ASIC2: variants seen among roughly 807,000 people sequenced by gnomAD.
ASIC2 encodes acid-sensing ion channel 2.
ASIC2 carries 25 observed loss-of-function variants against 57.3 expected under a neutral mutation model. The ratio of observed to expected loss-of-function variants is 0.44; its 90% CI spans 0.32 to 0.61. The LOEUF is 0.61. Among genes scored for constraint, ASIC2 ranks in the 20% least tolerant of loss-of-function variants. The pLI is 0.06. For synonymous variants in ASIC2, 319 were observed against 307.5 expected (o/e 1.04, Z -0.39); for missense variants, 641 against 738.1 (o/e 0.87, Z 1.52).
At chr17:33,867,294 A>G (rs759657873) in intron 1 of ASIC2, among the ~76,000 whole-genome samples, 2 of 152,184 alleles carry the variant, frequency 1.3e-5, no homozygotes, top group East Asian at 3.8e-4. Flanking sequence ...ATTATCAACA[A>G]CTCCTCTTTC....
chr17:33,834,722 T>G (rs1485018918), intron 1 of ASIC2, among the ~76,000 whole-genome samples: 2 of 152,208 alleles, frequency 1.3e-5, no homozygotes, highest in Non-Finnish European at 2.9e-5. Context: ...AATAACACAA[T>G]TTTTAGTCTT....
At chr17:33,626,878 T>TGA (rs1365830594) in intron 1 of ASIC2, 5 of 152,254 alleles carry the variant, frequency 3.3e-5, no homozygotes, top group Admixed American at 2.0e-4. Context: ...AACACAATTC[T>TGA]GACCATGTGA....
intron 1 of ASIC2, among the ~76,000 whole-genome samples, chr17:33,857,472 C>T (rs940151356): frequency 1.3e-5 from 2 of 152,300 alleles, no homozygotes; most frequent in South Asian, 2.1e-4. Context: ...ACCTCAACAC[C>T]TAGACCCCTT....
At chr17:33,197,947 A>G (rs1034304263) in intron 1 of ASIC2, among the ~76,000 whole-genome samples, 3 of 152,120 alleles carry the variant, frequency 2.0e-5, no homozygotes, top group African/African-American at 7.2e-5. Context: ...TTCCACTGGC[A>G]CTCTCGTCCT....
chr17:33,390,009 T>C (rs1567845334), intron 1 of ASIC2, among the ~76,000 whole-genome samples: 1 of 152,026 alleles, frequency 6.6e-6, no homozygotes, highest in Non-Finnish European at 1.5e-5. Context: ...TGCTGCTCCT[T>C]CTGCTTGAAA....
intron 1 of ASIC2, among the ~76,000 whole-genome samples, chr17:33,681,719 G>C (rs1329500455): frequency 6.6e-6 from 1 of 152,190 alleles, no homozygotes; most frequent in Non-Finnish European, 1.5e-5. Context: ...AGTCCTGCCA[G>C]GTTCAGAACC....
At chr17:33,751,324 T>C (rs936254165) in intron 1 of ASIC2, among the ~76,000 whole-genome samples, 1 of 152,222 alleles carries the variant, frequency 6.6e-6, no homozygotes, top group African/African-American at 2.4e-5. Context: ...CTAGTGGCAC[T>C]GCCAGGAATT....
chr17:34,022,423 T>C (rs1907200396), intron 1 of ASIC2, among the ~76,000 whole-genome samples: 1 of 151,976 alleles, frequency 6.6e-6, no homozygotes, highest in African/African-American at 2.4e-5. Context: ...CTGCTCAGAG[T>C]TAACCTTTAC....
chr17:33,665,446 T>C (rs924572182), intron 1 of ASIC2, among the ~76,000 whole-genome samples: 1 of 152,054 alleles, frequency 6.6e-6, no homozygotes, highest in South Asian at 2.1e-4. Flanking sequence ...ATGTCGAGGG[T>C]TGGCATTTAG....
intron 1 of ASIC2, among the ~76,000 whole-genome samples, chr17:33,428,122 G>T (rs1358173180): frequency 1.3e-5 from 2 of 152,136 alleles, no homozygotes; most frequent in Non-Finnish European, 2.9e-5. Flanking sequence ...AAACTACCTA[G>T]CTACACCATT....
At position 33,150,092 on chromosome 17, in the gene ASIC2, T is replaced by A. The variant is rs116267765; in HGVS notation, c.709-38025A>T. ...GAATTTCTTACTCAAGTTTAGGGAG[T>A]TGGCAGTTGACACACAGCTTTCCTG... On this transcript the variant is annotated intron_variant, in intron 1 of 9. Transcript: ENST00000225823. Among the ~76,000 whole-genome samples, 400 of 152,270 alleles carry A rather than the reference T, an allele frequency of 2.6e-3. 1 individual carries two copies. Among genetic ancestry groups the A allele is most frequent in the African/African-American group, 9.2e-3 (383 of 41,540 alleles).
intron 1 of ASIC2, among the ~76,000 whole-genome samples, chr17:33,181,065 T>A (rs767830205): frequency 1.3e-5 from 2 of 152,156 alleles, no homozygotes; most frequent in Admixed American, 6.5e-5. Flanking sequence ...CATAGGATAC[T>A]AGGAGCTGGA....
At chr17:33,127,225 T>G (rs2092327224) in intron 1 of ASIC2, among the ~76,000 whole-genome samples, 1 of 152,118 alleles carries the variant, frequency 6.6e-6, no homozygotes. Flanking sequence ...CATGAGAGGC[T>G]AAACAACTCT....
intron 1 of ASIC2, among the ~76,000 whole-genome samples, chr17:33,269,679 C>CTT (rs1567805267): frequency 3.1e-5 from 2 of 64,366 alleles, no homozygotes; most frequent in Non-Finnish European, 6.7e-5. Flanking sequence ...TCCTTCCCTC[C>CTT]CTCCCTCCTG....
At chr17:33,449,776 CT>C (rs149554596) in intron 1 of ASIC2, among the ~76,000 whole-genome samples, 29,033 of 146,438 alleles carry the variant, frequency 0.2, 2,947 homozygotes, top group Middle Eastern at 0.25. Flanking sequence ...TTTTTCTTTT[CT>C]TTTTTTTTTT....
intron 1 of ASIC2, among the ~76,000 whole-genome samples, chr17:33,646,312 A>C (rs768064972): frequency 5.3e-5 from 8 of 152,212 alleles, no homozygotes; most frequent in Non-Finnish European, 7.3e-5. Context: ...GACTTGGATA[A>C]GGAAAAGATT....
intron 1 of ASIC2, among the ~76,000 whole-genome samples, chr17:34,131,266 A>T (rs1473572596): frequency 1.3e-5 from 2 of 152,058 alleles, no homozygotes; most frequent in African/African-American, 4.8e-5. Context: ...GCTGTGTTTC[A>T]GACAGGGCCA....
intron 1 of ASIC2, among the ~76,000 whole-genome samples, chr17:33,568,944 T>A (rs941488319): frequency 2.0e-5 from 3 of 152,232 alleles, no homozygotes; most frequent in Admixed American, 2.0e-4. Context: ...GAAAGGCAGA[T>A]GGCAGGCTCA....
intron 1 of ASIC2, among the ~76,000 whole-genome samples, chr17:33,827,203 T>C (rs1299301054): frequency 1.3e-5 from 2 of 151,994 alleles, no homozygotes; most frequent in Non-Finnish European, 2.9e-5. Context: ...TAAACAGAAA[T>C]ATTCAGTTGC....
Sources: gnomAD v4.1 joint callset for allele counts (sites outside exome capture counted in the v4.1 genomes callset) on GRCh38, gnomAD v4.1.1 for gene constraint, MANE v1.5 for transcripts, NCBI Gene and HGNC (gene_info 2026-07-23, HGNC 2026-07-21) for gene names.